Variants in SEC23B observed in about 807,000 individuals in gnomAD.
The protein encoded by SEC23B is protein transport protein Sec23B.
SEC23B carries 77 observed loss-of-function variants against 104.3 expected under a neutral mutation model. That is an observed-to-expected ratio of 0.74 (90% CI 0.61 to 0.89). The LOEUF (loss-of-function observed/expected upper bound fraction) is 0.89. Among genes scored for constraint, SEC23B ranks in the 40% least tolerant of loss-of-function variants. The pLI, the probability that SEC23B is intolerant of heterozygous loss-of-function variation, is 0.00. For synonymous variants in SEC23B, 338 were observed against 332.5 expected, an observed-to-expected ratio of 1.02 and a Z score of -0.18; for missense variants, 885 against 949.4, an observed-to-expected ratio of 0.93 and a Z score of 0.89.
chr20:18,551,277 A>G (rs1379051032), intron 17 of SEC23B, 102 bp downstream of exon 17: 9 of 692,968 alleles, frequency 1.3e-5, no homozygotes, highest in African/African-American at 1.8e-5. Context: ...GTCCTTAACT[A>G]TGGTTTTTGT....
intron 3 of SEC23B, among the ~76,000 whole-genome samples, chr20:18,515,160 C>A (rs1405462473): frequency 1.3e-5 from 2 of 152,124 alleles, no homozygotes; most frequent in African/African-American, 4.8e-5. Flanking sequence ...TTAGAAGTTA[C>A]AATAGCTTAA....
In SEC23B at chr20:18,530,808, G is replaced by C. The variant is rs368975816; in HGVS notation, c.1233+5G>C. On this transcript the variant is annotated splice_donor_5th_base_variant and intron_variant, in intron 10 of 19. Transcript: ENST00000650089. ...GGTGCTACTTTGGACGTAAAGGTAC[G>C]GTAAACTTTTTTTTTTTTTTATGTG... The C allele has an allele frequency of 5.0e-6, 8 of 1,596,786 alleles. No individual in the cohort carries two copies. In the African/African-American group the frequency reaches 5.5e-5, roughly 11 times the overall value.
At chr20:18,542,194 C>G in intron 12 of SEC23B, 102 bp from the exon 13 acceptor site, 1 of 985,310 alleles carries the variant, frequency 1.0e-6, no homozygotes, top group South Asian at 1.3e-5. Flanking sequence ...AAGAACCTTC[C>G]TGTCATTGCT....
chr20:18,538,385 GA>G (rs373316242), intron 12 of SEC23B, among the ~76,000 whole-genome samples: 9 of 151,848 alleles, frequency 5.9e-5, no homozygotes, highest in South Asian at 2.1e-4. Context: ...GAGTAGCTGG[GA>G]CTACAGGCAC....
intron 11 of SEC23B, among the ~76,000 whole-genome samples, chr20:18,535,237 C>T (rs1437020376): frequency 1.4e-5 from 2 of 139,580 alleles, no homozygotes; most frequent in Non-Finnish European, 3.1e-5. Flanking sequence ...AAACCCGGAA[C>T]GATGGGTCAC....
rs372784283 is a variant in SEC23B, at chr20:18,515,728, G to A, written c.358G>A (p.Val120Met). 112 of 1,581,772 alleles carry A rather than the reference G, an allele frequency of 7.1e-5. 1 individual carries two copies. In the African/African-American group the frequency reaches 8.7e-4, roughly 12 times the overall value. The change falls in exon 4 of 20, where the codon GTG (valine) becomes ATG (methionine). Residue 120 changes from valine to methionine, a missense_variant. Coordinates refer to ENST00000650089, the MANE Select transcript of SEC23B (RefSeq NM_006363.6). ...LMPQFSTIEY[V>M]IQRGAQSPLI... ...GCCCCAGTTTTCTACAATTGAGTAC[G>A]TGATACAGGTAATTTCTTTGTTGTG...
chr20:18,519,298 A>C (rs1455512839), intron 4 of SEC23B, among the ~76,000 whole-genome samples: 1 of 152,194 alleles, frequency 6.6e-6, no homozygotes, highest in African/African-American at 2.4e-5. Flanking sequence ...AACAATGGTA[A>C]CTGTGGGAGA....
At chr20:18,553,625 G>A (rs534676533) in intron 17 of SEC23B, among the ~76,000 whole-genome samples, 4 of 152,318 alleles carry the variant, frequency 2.6e-5, no homozygotes, top group South Asian at 2.1e-4. Flanking sequence ...GAGACAGATC[G>A]TCTGCTTTCC....
chr20:18,529,126 T>A (rs2060159624), intron 9 of SEC23B, among the ~76,000 whole-genome samples: 1 of 152,182 alleles, frequency 6.6e-6, no homozygotes, highest in Non-Finnish European at 1.5e-5. Flanking sequence ...ATGTGAGGAA[T>A]GATTGAAGTA....
chr20:18,548,577 T>C (rs756670885), intron 15 of SEC23B, 32 bp from the exon 16 acceptor site: 15 of 1,607,196 alleles, frequency 9.3e-6, no homozygotes, highest in Non-Finnish European at 1.3e-5. Flanking sequence ...TACAATTATA[T>C]GCATTTCTCT....
chr20:18,524,511 G>A lies in SEC23B; in HGVS notation c.445G>A (p.Glu149Lys), dbSNP rs756801146. 6.2e-7 allele frequency: 1 copy of A among 1,614,216 alleles called. No individual in the cohort carries two copies. The change falls in exon 5 of 20, where the codon GAG becomes AAG. Residue 149 changes from glutamate to lysine, a missense_variant. Coordinates refer to ENST00000650089, the MANE Select transcript of SEC23B (RefSeq NM_006363.6). ...GGAAGATGACCTTCAAGCACTCAAA[G>A]AGTCCCTGCAGATGTCCCTGAGTCT... Reference protein sequence around the residue: ...LEEDDLQALKESLQMSLSLLP... With the variant: ...LEEDDLQALKKSLQMSLSLLP...
Position 18,530,814 on chromosome 20 carries a change from C to CTTTTT in SEC23B, c.1233+21_1233+25dup, listed in dbSNP as rs57738665. On this transcript the variant is annotated intron_variant, in intron 10 of 19. Transcript: ENST00000650089. ...ACTTTGGACGTAAAGGTACGGTAAA[C>CTTTTT]TTTTTTTTTTTTTTATGTGGACTCA... 1 of 1,438,302 alleles carries CTTTTT rather than the reference C, an allele frequency of 7.0e-7. No individual in the cohort carries two copies. Among genetic ancestry groups the CTTTTT allele is most frequent in the South Asian group, 1.2e-5 (1 of 84,854 alleles). 89.1% of individuals were successfully genotyped at this position (1,438,302 alleles called of 1,614,324 possible).
intron 9 of SEC23B, 69 bp from the exon 10 acceptor site, chr20:18,530,607 GTAAA>G: frequency 6.5e-7 from 1 of 1,532,208 alleles, no homozygotes; most frequent in Non-Finnish European, 8.8e-7. Context: ...AATTATTTTT[GTAAA>G]TACTGAGGGA....
chr20:18,553,184 C>T (rs1399557172), intron 17 of SEC23B, among the ~76,000 whole-genome samples: 1 of 152,248 alleles, frequency 6.6e-6, no homozygotes, highest in Non-Finnish European at 1.5e-5. Flanking sequence ...TTGCTCTCAC[C>T]TTCCCAAAGT....
At position 18,518,587 on chromosome 20, in the gene SEC23B, T is replaced by TTTTTTG. The variant is rs1447770217; in HGVS notation, c.366+2856_366+2857insGTTTTT. On this transcript the variant is annotated intron_variant, in intron 4 of 19. Coordinates refer to ENST00000650089, the MANE Select transcript of SEC23B (RefSeq NM_006363.6). ...GCCTGTGAGGCTGGAAGGAGGTTTT[T>TTTTTTG]TTTTTTTTTTTTTTTTTTGTCTAAG... Among the ~76,000 whole-genome samples the TTTTTTG allele has an allele frequency of 2.1e-5, 2 of 96,728 alleles. 1 individual carries two copies. The highest frequency in any genetic ancestry group is 6.3e-5 in the African/African-American group (2 of 31,810). The allele number at this position is 96,728 out of a possible 152,430, so 63.5% of individuals were successfully genotyped here. A position where few individuals can be genotyped will look rare whatever the true frequency, so the allele number is the denominator to read the frequency against.
At position 18,515,651 on chromosome 20, in the gene SEC23B, T is replaced by G; in HGVS notation, c.281T>G (p.Phe94Cys). ...ATAAAACTGTTTCCTTCTTTTCAGTTTCCTCCAGCTTATGGAGGCATATCT... is the reference window on the plus strand; with the variant it reads ...ATAAAACTGTTTCCTTCTTTTCAGTGTCCTCCAGCTTATGGAGGCATATCT... ...ACNFCFQRNQ[F>C]PPAYGGISEV... Residue 94 changes from phenylalanine to cysteine, a missense_variant and splice_region_variant, in exon 4 of 20, where the codon TTT becomes TGT. Phe to Cys is a radical substitution (Grantham distance 205, BLOSUM62 -2). Transcript: ENST00000650089. The G allele has an allele frequency of 2.5e-6, 4 of 1,598,144 alleles. No individual in the cohort carries two copies. The highest frequency in any genetic ancestry group is 3.4e-6 in the Non-Finnish European group (4 of 1,165,428).
intron 2 of SEC23B, 82 bp downstream of exon 2, chr20:18,511,138 T>G: frequency 8.5e-7 from 1 of 1,177,868 alleles, no homozygotes; most frequent in Non-Finnish European, 1.3e-6. Flanking sequence ...AGTCATTAAA[T>G]TTGGGCAGGT....
At chr20:18,512,397 C>A in intron 3 of SEC23B, 115 bp downstream of exon 3, 1 of 671,112 alleles carries the variant, frequency 1.5e-6, no homozygotes, top group South Asian at 1.8e-5. Flanking sequence ...CTGCTGAACT[C>A]AGGGTGATAA....
At chr20:18,532,769 T>C (rs376891759) in intron 11 of SEC23B, 25 bp downstream of exon 11, 62 of 1,541,396 alleles carry the variant, frequency 4.0e-5, no homozygotes, top group Non-Finnish European at 5.6e-5. Flanking sequence ...TCCATCACCC[T>C]CACCTCCTGC....
Sources: allele counts gnomAD v4.1 joint callset (sites outside exome capture counted in the v4.1 genomes callset), GRCh38; gene constraint gnomAD v4.1.1; transcripts MANE v1.5; gene names NCBI Gene and HGNC (gene_info 2026-07-23, HGNC 2026-07-21).